PCDHA4: variants seen among roughly 807,000 people sequenced by gnomAD.
PCDHA4 encodes protocadherin alpha-4.
PCDHA4 carries 49 observed loss-of-function variants against 61.4 expected under a neutral mutation model. The ratio of observed to expected loss-of-function variants is 0.80; its 90% CI spans 0.63 to 1.01. The LOEUF is 1.01. Ranked by LOEUF, PCDHA4 falls within the 50% of genes least tolerant of loss-of-function variation. The pLI, the probability that PCDHA4 is intolerant of heterozygous loss-of-function variation, is 0.00. For missense variants in PCDHA4, 1,254 were observed against 1,235.8 expected, an observed-to-expected ratio of 1.01 and a Z score of -0.22; for synonymous variants, 590 against 550.3, an observed-to-expected ratio of 1.07 and a Z score of -1.01.
chr5:140,828,062 C>T (rs1769507184), intron 1 of PCDHA4: 1 of 1,557,484 alleles, frequency 6.4e-7, no homozygotes, highest in Non-Finnish European at 8.7e-7. Flanking sequence ...GGAAGATCTT[C>T]TAATGGAAAT....
chr5:140,841,687 G>A (rs2150320921), intron 1 of PCDHA4: 1 of 1,613,966 alleles, frequency 6.2e-7, no homozygotes, highest in South Asian at 1.1e-5. Context: ...TGGACGTGGA[G>A]GTGAAGGATG....
intron 1 of PCDHA4, chr5:140,928,138 A>G (rs1554205540): frequency 1.9e-6 from 3 of 1,614,190 alleles, no homozygotes; most frequent in South Asian, 1.1e-5. Context: ...AGTCCTGATC[A>G]CGGCCTCAGA....
rs1767740634 is a variant in PCDHA4, at chr5:140,823,512, G to C, written c.2385+13940G>C. 5.0e-6 allele frequency: 8 copies of C among 1,613,458 alleles called. No individual in the cohort carries two copies. The African/African-American group carries it at 6.7e-5, about 13-fold the overall frequency. ...GCACCGGCGGCGCAGTGAGCGAGCTGGTGCCGAGGTCAGTGGGTGCGGGCC... is the reference window on the plus strand; with the variant it reads ...GCACCGGCGGCGCAGTGAGCGAGCTCGTGCCGAGGTCAGTGGGTGCGGGCC... On this transcript the variant is annotated intron_variant, in intron 1 of 3. Transcript: ENST00000530339.
At chr5:141,005,018 T>C (rs2098193299) in intron 3 of PCDHA4, among the ~76,000 whole-genome samples, 1 of 152,250 alleles carries the variant, frequency 6.6e-6, no homozygotes, top group Non-Finnish European at 1.5e-5. Flanking sequence ...AGCTGCATTA[T>C]ATATAATTGC....
intron 1 of PCDHA4, among the ~76,000 whole-genome samples, chr5:140,932,531 G>A (rs1379233805): frequency 4.6e-5 from 7 of 151,752 alleles, no homozygotes; most frequent in Non-Finnish European, 8.9e-5. Context: ...TGGCATTCAA[G>A]GTGCTTTATT....
chr5:140,809,491 C>A lies in PCDHA4; in HGVS notation c.2304C>A (p.Asp768Glu), dbSNP rs782810628. 2.5e-6 allele frequency: 4 copies of A among 1,614,102 alleles called. No individual in the cohort carries two copies. The Admixed American group carries it at 5.0e-5, about 20-fold the overall frequency. ...VCSGEGPPKT[D>E]LMAFSPSLPD... ...CTGGTGAGGGCCCACCCAAGACCGA[C>A]CTCATGGCCTTCAGCCCCAGTTTAC... The change falls in exon 1 of 4, where the codon GAC (aspartate) becomes GAA (glutamate). Residue 768 changes from aspartate to glutamate, a missense_variant. Coordinates refer to ENST00000530339, the MANE Select transcript of PCDHA4 (RefSeq NM_018907.4).
chr5:140,930,912 T>C (rs1205979304), intron 1 of PCDHA4, among the ~76,000 whole-genome samples: 3 of 152,196 alleles, frequency 2.0e-5, no homozygotes, highest in Non-Finnish European at 4.4e-5. Flanking sequence ...TTTTCTACTT[T>C]AGATGTGTAT....
intron 1 of PCDHA4, among the ~76,000 whole-genome samples, chr5:140,926,161 A>C (rs1205520517): frequency 6.6e-6 from 1 of 151,712 alleles, no homozygotes. Flanking sequence ...GCTCTGCAGC[A>C]GGATCCAGCG....
chr5:140,959,525 C>G (rs1356711808), intron 1 of PCDHA4, among the ~76,000 whole-genome samples: 1 of 151,910 alleles, frequency 6.6e-6, no homozygotes, highest in Non-Finnish European at 1.5e-5. Flanking sequence ...TCTTTAAGAC[C>G]ATTAATTCAG....
chr5:140,889,403 C>T (rs1246037388), intron 1 of PCDHA4, among the ~76,000 whole-genome samples: 1 of 151,882 alleles, frequency 6.6e-6, no homozygotes, highest in Non-Finnish European at 1.5e-5. Flanking sequence ...TTAATTTACT[C>T]GAGTCAGTTA....
intron 1 of PCDHA4, chr5:140,856,833 G>T (rs1554149194): frequency 1.9e-6 from 3 of 1,591,548 alleles, no homozygotes; most frequent in Admixed American, 1.7e-5. Flanking sequence ...TTAGTAATAC[G>T]GCTCAACGCT....
In PCDHA4 at chr5:140,843,235, C is replaced by G. The variant is rs2150355590; in HGVS notation, c.2385+33663C>G. On this transcript the variant is annotated intron_variant, in intron 1 of 3. Coordinates refer to ENST00000530339, the MANE Select transcript of PCDHA4 (RefSeq NM_018907.4). ...AGATCAGCACCACTCGTGTCCTGGACGAAGCGGACTCTCCGCGCCACCGTC... is the reference window on the plus strand; with the variant it reads ...AGATCAGCACCACTCGTGTCCTGGAGGAAGCGGACTCTCCGCGCCACCGTC... 1.0e-5 allele frequency: 16 copies of G among 1,595,840 alleles called. 2 individuals are homozygous for G. The African/African-American group carries it at 1.2e-4, about 12-fold the overall frequency.
At chr5:140,854,020 G>A (rs1303462522) in intron 1 of PCDHA4, 3 of 327,902 alleles carry the variant, frequency 9.1e-6, no homozygotes, top group East Asian at 1.7e-4. Context: ...AAATTAGCCG[G>A]GCATGGTGGC....
Position 140,835,520 on chromosome 5 carries a change from T to G in PCDHA4, c.2385+25948T>G. On this transcript the variant is annotated intron_variant, in intron 1 of 3. Coordinates refer to ENST00000530339, the MANE Select transcript of PCDHA4 (RefSeq NM_018907.4). ...TGATTAGCGTGTTTGACCGAGATTT[T>G]GGAGTCAACGGACAGGTTACCTGCT... 4 of 1,613,956 alleles carry G rather than the reference T, an allele frequency of 2.5e-6. No homozygotes were observed. Among genetic ancestry groups the G allele is most frequent in the Non-Finnish European group, 3.4e-6 (4 of 1,179,884 alleles).
chr5:140,905,248 C>T (rs143714633), intron 1 of PCDHA4, among the ~76,000 whole-genome samples: 1,610 of 152,202 alleles, frequency 0.011, 17 homozygotes, highest in African/African-American at 0.028. Flanking sequence ...TTCATTCTTC[C>T]ACATGAGGCT....
intron 1 of PCDHA4, among the ~76,000 whole-genome samples, chr5:140,885,031 AT>A (rs1165183992): frequency 6.6e-6 from 1 of 152,198 alleles, no homozygotes; most frequent in Non-Finnish European, 1.5e-5. Flanking sequence ...AATTTAAAAA[AT>A]TTTTAGTTTA....
intron 1 of PCDHA4, among the ~76,000 whole-genome samples, chr5:140,970,397 T>C (rs2096402198): frequency 6.6e-6 from 1 of 152,218 alleles, no homozygotes; most frequent in Non-Finnish European, 1.5e-5. Flanking sequence ...GGAAAGTGGA[T>C]GGCTTACCCT....
chr5:140,887,803 C>T (rs2061589449), intron 1 of PCDHA4, among the ~76,000 whole-genome samples: 2 of 152,050 alleles, frequency 1.3e-5, no homozygotes, highest in Admixed American at 1.3e-4. Flanking sequence ...TTATTTTTGT[C>T]CATTTCTTTC....
chr5:140,925,337 AT>A (rs1197479455), intron 1 of PCDHA4, among the ~76,000 whole-genome samples: 1 of 152,072 alleles, frequency 6.6e-6, no homozygotes, highest in Non-Finnish European at 1.5e-5. Flanking sequence ...TAAAAGAAGG[AT>A]TTGAGTGAGG....
Sources: allele counts gnomAD v4.1 joint callset (sites outside exome capture counted in the v4.1 genomes callset), GRCh38; gene constraint gnomAD v4.1.1; transcripts MANE v1.5; gene names NCBI Gene and HGNC (gene_info 2026-07-23, HGNC 2026-07-21).